MMP16: variants seen among roughly 807,000 people sequenced by gnomAD.
MMP16 encodes matrix metallopeptidase 16.
A neutral mutation model predicts 67.8 loss-of-function variants in MMP16; 12 were observed. That is an observed-to-expected ratio of 0.18 (90% CI 0.11 to 0.29). The LOEUF is 0.29. Among genes scored for constraint, MMP16 ranks in the 10% least tolerant of loss-of-function variants. The pLI, the probability that MMP16 is intolerant of heterozygous loss-of-function variation, is 1.00. For missense variants in MMP16, 475 were observed against 765.7 expected (o/e 0.62, Z 4.48); for synonymous variants, 249 against 255.9 (o/e 0.97, Z 0.26).
chr8:88,297,994 T>C (rs975938829), intron 1 of MMP16, among the ~76,000 whole-genome samples: 23 of 151,998 alleles, frequency 1.5e-4, no homozygotes, highest in Non-Finnish European at 2.8e-4. Context: ...CACATACAAA[T>C]AAACTCAGTA....
Position 88,081,567 on chromosome 8 carries a change from C to G in MMP16, c.1084-6824G>C, listed in dbSNP as rs529300158. Among the ~76,000 whole-genome samples, 34 of 152,136 alleles carry G rather than the reference C, an allele frequency of 2.2e-4. No homozygotes were observed. In the South Asian group the frequency reaches 7.1e-3, roughly 32 times the overall value. On this transcript the variant is annotated intron_variant, in intron 6 of 9. Transcript: ENST00000286614. The stretch of plus-strand genomic sequence containing the variant: ...AAGTTCCATACCAGCCTGGGCAATA[C>G]AGTGAGACCCCCATCTCTAAAAAGA...
At chr8:88,144,966 T>C (rs1276499635) in intron 4 of MMP16, among the ~76,000 whole-genome samples, 1 of 152,038 alleles carries the variant, frequency 6.6e-6, no homozygotes, top group Non-Finnish European at 1.5e-5. Context: ...AGTTAAAAAA[T>C]TGCTTCTTAC....
chr8:88,072,248 G>A (rs1474028161), intron 7 of MMP16, among the ~76,000 whole-genome samples: 1 of 152,046 alleles, frequency 6.6e-6, no homozygotes, highest in Non-Finnish European at 1.5e-5. Flanking sequence ...TTGTGGTGAG[G>A]GTGGTGGAGG....
At chr8:88,043,789 G>A (rs192583441) in intron 9 of MMP16, among the ~76,000 whole-genome samples, 83 of 152,258 alleles carry the variant, frequency 5.5e-4, no homozygotes, top group African/African-American at 1.9e-3. Context: ...CCGAGAGTTG[G>A]TATTTGATCA....
chr8:88,150,940 C>G (rs1444352447), intron 4 of MMP16, among the ~76,000 whole-genome samples: 9 of 135,512 alleles, frequency 6.6e-5, no homozygotes, highest in African/African-American at 2.5e-4. Context: ...GAGTCAAGAC[C>G]CATCAGTGTG....
chr8:88,156,646 TA>T (rs1236262988), intron 4 of MMP16, among the ~76,000 whole-genome samples: 1 of 152,092 alleles, frequency 6.6e-6, no homozygotes, highest in Admixed American at 6.6e-5. Context: ...AAGCTGTTAT[TA>T]ATCTTAGATA....
At chr8:88,276,909 T>C (rs187514612) in intron 1 of MMP16, among the ~76,000 whole-genome samples, 65 of 152,282 alleles carry the variant, frequency 4.3e-4, no homozygotes, top group African/African-American at 1.5e-3. Flanking sequence ...GTTGAATGTA[T>C]AAATCACAAA....
rs575193273 is a variant in MMP16, at chr8:88,081,574, A to AC, written c.1084-6832dup. On this transcript the variant is annotated intron_variant, in intron 6 of 9. Transcript: ENST00000286614. The stretch of plus-strand genomic sequence containing the variant: ...ATACCAGCCTGGGCAATACAGTGAG[A>AC]CCCCCATCTCTAAAAAGAATTAAAA... Among the ~76,000 whole-genome samples, 45 of 152,130 alleles carry AC rather than the reference A, an allele frequency of 3.0e-4. 1 individual carries two copies. The South Asian group carries it at 6.4e-3, about 22-fold the overall frequency.
chr8:88,275,883 T>A (rs1810642074), intron 1 of MMP16, among the ~76,000 whole-genome samples: 1 of 152,124 alleles, frequency 6.6e-6, no homozygotes, highest in East Asian at 1.9e-4. Flanking sequence ...ATCCAATTTT[T>A]TTAGCCTTGT....
intron 9 of MMP16, among the ~76,000 whole-genome samples, chr8:88,044,401 G>T (rs1166150759): frequency 6.6e-6 from 1 of 152,194 alleles, no homozygotes; most frequent in African/African-American, 2.4e-5. Context: ...CTTGGTAATG[G>T]AAGTATGTCA....
chr8:88,107,255 G>A (rs558698329), intron 6 of MMP16, among the ~76,000 whole-genome samples: 8 of 150,552 alleles, frequency 5.3e-5, no homozygotes, highest in African/African-American at 1.9e-4. Flanking sequence ...AATATTACCT[G>A]GTTAAAAACT....
intron 1 of MMP16, among the ~76,000 whole-genome samples, chr8:88,228,089 C>T (rs1809798791): frequency 6.6e-6 from 1 of 151,964 alleles, no homozygotes; most frequent in South Asian, 2.1e-4. Flanking sequence ...CTGTTTTCCC[C>T]TGTAAACTTA....
chr8:88,280,383 T>C (rs1164780592), intron 1 of MMP16, among the ~76,000 whole-genome samples: 1 of 152,060 alleles, frequency 6.6e-6, no homozygotes, highest in Non-Finnish European at 1.5e-5. Context: ...ATTTTTTCTG[T>C]AGAATAAAGA....
chr8:88,087,771 C>A (rs1213263082), intron 6 of MMP16, among the ~76,000 whole-genome samples: 1 of 151,378 alleles, frequency 6.6e-6, no homozygotes, highest in African/African-American at 2.4e-5. Flanking sequence ...TAGTGAGATC[C>A]TGTCTCTACA....
intron 6 of MMP16, among the ~76,000 whole-genome samples, chr8:88,099,199 AG>A (rs1273639028): frequency 2.0e-5 from 3 of 151,748 alleles, no homozygotes; most frequent in East Asian, 1.9e-4. Context: ...TTTAAATAAA[AG>A]CCAAAGAGAT....
intron 1 of MMP16, among the ~76,000 whole-genome samples, chr8:88,299,416 T>C (rs1811064126): frequency 6.6e-6 from 1 of 152,140 alleles, no homozygotes; most frequent in Non-Finnish European, 1.5e-5. Flanking sequence ...AGTAGCAAGA[T>C]GAAAAGGAAA....
chr8:88,242,333 T>A (rs1810046073), intron 1 of MMP16, among the ~76,000 whole-genome samples: 1 of 152,242 alleles, frequency 6.6e-6, no homozygotes, highest in Non-Finnish European at 1.5e-5. Flanking sequence ...CATTTTGTAG[T>A]AGAAATTCTA....
chr8:88,105,883 G>T (rs932046981), intron 6 of MMP16, among the ~76,000 whole-genome samples: 16 of 150,826 alleles, frequency 1.1e-4, no homozygotes, highest in African/African-American at 3.2e-4. Flanking sequence ...TGACAAAAAA[G>T]AATAAAATAT....
chr8:88,170,691 T>C (rs898244458), intron 3 of MMP16, among the ~76,000 whole-genome samples: 2 of 152,016 alleles, frequency 1.3e-5, no homozygotes, highest in African/African-American at 4.8e-5. Context: ...GGTGAGGAGA[T>C]GATAAACAGG....
Sources: gnomAD v4.1 joint callset for allele counts (sites outside exome capture counted in the v4.1 genomes callset) on GRCh38, gnomAD v4.1.1 for gene constraint, MANE v1.5 for transcripts, NCBI Gene and HGNC (gene_info 2026-07-23, HGNC 2026-07-21) for gene names.